The following BSN variants were observed in gnomAD, a reference collection of about 807,000 sequenced individuals.
BSN encodes bassoon presynaptic cytomatrix protein.
A neutral mutation model predicts 264.8 loss-of-function variants in BSN; 57 were observed. The ratio of observed to expected loss-of-function variants is 0.22; its 90% CI spans 0.17 to 0.27. BSN has a LOEUF of 0.27. Ranked by LOEUF, BSN falls within the 10% of genes least tolerant of loss-of-function variation. BSN has a pLI of 1.00. For missense variants in BSN, 4,615 were observed against 5,232.5 expected, an observed-to-expected ratio of 0.88 and a Z score of 3.64; for synonymous variants, 2,059 against 2,137.3, an observed-to-expected ratio of 0.96 and a Z score of 1.01.
chr3:49,594,083 C>T lies in BSN; in HGVS notation c.225-30892C>T, dbSNP rs138689563. ...CTGGGATTACAGGCGTGAGCCACCACGCCCGGCCGCTAGATACTAGTTTTT... is the reference window on the plus strand; with the variant it reads ...CTGGGATTACAGGCGTGAGCCACCATGCCCGGCCGCTAGATACTAGTTTTT... On this transcript the variant is annotated intron_variant, in intron 1 of 11. Transcript: ENST00000296452. 9.1e-4 allele frequency among the ~76,000 whole-genome samples: 139 copies of T among 152,282 alleles called. 1 individual carries two copies. The Middle Eastern group carries it at 0.017, about 19-fold the overall frequency.
At position 49,663,065 on chromosome 3, in the gene BSN, C is replaced by T; in HGVS notation, c.10907C>T (p.Pro3636Leu). Residue 3636 changes from proline (P) to leucine (L), a missense_variant, in exon 7 of 12, where the codon CCA (proline) becomes CTA (leucine). Transcript: ENST00000296452. Reference protein sequence around the residue: ...EGLWPHDEGGPGRHASAKEHR... With the variant: ...EGLWPHDEGGLGRHASAKEHR... Reference sequence around the variant, plus strand: ...CTGTGGCCTCATGATGAGGGTGGCCCAGGCCGCCATGCCTCAGCCAAGGAA... The same window carrying T: ...CTGTGGCCTCATGATGAGGGTGGCCTAGGCCGCCATGCCTCAGCCAAGGAA... 1.2e-6 allele frequency: 2 copies of T among 1,612,986 alleles called. No individual in the cohort carries two copies. The highest frequency in any genetic ancestry group is 1.7e-6 in the Non-Finnish European group (2 of 1,179,904).
At chr3:49,608,691 G>A (rs1443203823) in intron 1 of BSN, among the ~76,000 whole-genome samples, 1 of 152,124 alleles carries the variant, frequency 6.6e-6, no homozygotes, top group African/African-American at 2.4e-5. Context: ...AGCTGGGCAT[G>A]GTGGCAGGCG....
intron 1 of BSN, among the ~76,000 whole-genome samples, chr3:49,609,590 C>T (rs976748757): frequency 1.3e-5 from 2 of 152,068 alleles, no homozygotes; most frequent in Non-Finnish European, 2.9e-5. Flanking sequence ...TGTCCAGGGT[C>T]GGGTGGTAAC....
At position 49,669,255 on chromosome 3, in the gene BSN, G is replaced by A. The variant is rs549208562; in HGVS notation, c.*1770G>A. The A allele has an allele frequency of 2.9e-4, 45 of 152,730 alleles. No homozygotes were observed. Among genetic ancestry groups the A allele is most frequent in the African/African-American group, 1.0e-3 (42 of 41,550 alleles). The allele number at this position is 152,730 out of a possible 1,614,324, so 9.5% of individuals were successfully genotyped here. A position where few individuals can be genotyped will look rare whatever the true frequency, so the allele number is the denominator to read the frequency against. On this transcript the variant is annotated 3_prime_UTR_variant, in exon 12 of 12. Coordinates refer to ENST00000296452, the MANE Select transcript of BSN (RefSeq NM_003458.4). ...GTTGCCTGAGCGTGCCAGGCTGCAG[G>A]GCAGGCAGTAAAAGGCCCCCACATA...
At chr3:49,606,171 TTA>T (rs1471203454) in intron 1 of BSN, among the ~76,000 whole-genome samples, 3 of 22,898 alleles carry the variant, frequency 1.3e-4, no homozygotes, top group Non-Finnish European at 2.1e-4. Flanking sequence ...TATACATATA[TTA>T]TATATGTATA....
Position 49,652,221 on chromosome 3 carries a change from C to A in BSN, c.2665C>A (p.Pro889Thr). ...PRPRPEPSQE[P>T]AALPKRRLPH... is the part of the protein sequence containing the mutation. ...ACCCAGGCCTGAGCCTAGCCAAGAACCAGCAGCACTGCCCAAGAGGCGCCT... is the reference window on the plus strand; with the variant it reads ...ACCCAGGCCTGAGCCTAGCCAAGAAACAGCAGCACTGCCCAAGAGGCGCCT... The change falls in exon 5 of 12, where the codon CCA becomes ACA. Residue 889 changes from proline (P) to threonine (T), a missense_variant. Physicochemically the swap from Pro to Thr is conservative, Grantham distance 38. Around this residue, in one of 3 missense-constraint regions of BSN, gnomAD observed 1,197 missense variants for 1,348.0 expected, o/e 0.89. Transcript: ENST00000296452. 1 of 1,612,206 alleles carries A rather than the reference C, an allele frequency of 6.2e-7. No individual in the cohort carries two copies. Among genetic ancestry groups the A allele is most frequent in the Non-Finnish European group, 8.5e-7 (1 of 1,178,902 alleles).
At chr3:49,570,505 A>G (rs924764562) in intron 1 of BSN, among the ~76,000 whole-genome samples, 2 of 152,178 alleles carry the variant, frequency 1.3e-5, no homozygotes, top group Non-Finnish European at 2.9e-5. Context: ...GTGGAAACAG[A>G]GACTGAAGAG....
At chr3:49,666,033 T>TG (rs2052711065) in intron 11 of BSN, among the ~76,000 whole-genome samples, 2 of 152,258 alleles carry the variant, frequency 1.3e-5, no homozygotes, top group African/African-American at 4.8e-5. Flanking sequence ...TGCATCATCC[T>TG]GGGTGGGAGG....
Position 49,660,428 on chromosome 3 carries a change from C to T in BSN, c.8641-58C>T. ...CAGGCCTGGGTTCTGCCACCCCACACCCCATCAAGTCACCACACCTTGGGT... is the reference window on the plus strand; with the variant it reads ...CAGGCCTGGGTTCTGCCACCCCACATCCCATCAAGTCACCACACCTTGGGT... On this transcript the variant is annotated intron_variant, in intron 5 of 11. Coordinates refer to ENST00000296452, the MANE Select transcript of BSN (RefSeq NM_003458.4). The surrounding 1 kb of genome is among the most constrained non-coding windows in gnomAD (Gnocchi z 7.1). 3 of 1,512,044 alleles carry T rather than the reference C, an allele frequency of 2.0e-6. No homozygotes were observed. Among genetic ancestry groups the T allele is most frequent in the Middle Eastern group, 2.3e-4 (1 of 4,384 alleles). The allele number at this position is 1,512,044 out of a possible 1,614,324, so 93.7% of individuals were successfully genotyped here.
At chr3:49,589,745 G>A (rs529521323) in intron 1 of BSN, among the ~76,000 whole-genome samples, 1 of 151,028 alleles carries the variant, frequency 6.6e-6, no homozygotes, top group African/African-American at 2.4e-5. Flanking sequence ...GAGCTCAGGC[G>A]ATCCAACAGC....
chr3:49,664,472 C>T lies in BSN; in HGVS notation c.11658C>T (p.Gly3886=), dbSNP rs1370820471. ...RPGGTPGAPA[G]QPGADGESVF... ...GAGGAACCCCAGGGGCTCCCGCCGGCCAGCCAGGTGCCGATGGGGAGAGCG... is the reference window on the plus strand; with the variant it reads ...GAGGAACCCCAGGGGCTCCCGCCGGTCAGCCAGGTGCCGATGGGGAGAGCG... The change falls in exon 9 of 12, where the codon GGC becomes GGT. Residue 3886 remains glycine (G), a synonymous_variant. Transcript: ENST00000296452. 3 of 1,613,580 alleles carry T rather than the reference C, an allele frequency of 1.9e-6. No individual in the cohort carries two copies. Among genetic ancestry groups the T allele is most frequent in the Non-Finnish European group, 2.5e-6 (3 of 1,179,956 alleles).
chr3:49,641,283 A>G (rs965270573), intron 2 of BSN, among the ~76,000 whole-genome samples: 1 of 152,222 alleles, frequency 6.6e-6, no homozygotes, highest in African/African-American at 2.4e-5. Context: ...TATGGACATC[A>G]TTCTTAGCAT....
At position 49,606,168 on chromosome 3, in the gene BSN, A is replaced by G. The variant is rs1172308575; in HGVS notation, c.225-18807A>G. ...ATATATGTATATATTATATATACAT[A>G]TATTATATATGTATATATATTATAT... On this transcript the variant is annotated intron_variant, in intron 1 of 11. Transcript: ENST00000296452. Among the ~76,000 whole-genome samples, 5 of 33,632 alleles carry G rather than the reference A, an allele frequency of 1.5e-4. 1 individual carries two copies. Among genetic ancestry groups the G allele is most frequent in the African/African-American group, 5.4e-4 (5 of 9,200 alleles). The allele number at this position is 33,632 out of a possible 152,430, so 22.1% of individuals were successfully genotyped here. A position where few individuals can be genotyped will look rare whatever the true frequency, so the allele number is the denominator to read the frequency against.
intron 1 of BSN, among the ~76,000 whole-genome samples, chr3:49,568,895 C>G (rs374564452): frequency 8.9e-4 from 135 of 152,190 alleles, no homozygotes; most frequent in African/African-American, 3.2e-3. Context: ...AAGGCAGAAG[C>G]AATAATATTC....
Position 49,656,504 on chromosome 3 carries a change from T to A in BSN, c.6948T>A (p.Pro2316=). 5 of 1,587,156 alleles carry A rather than the reference T, an allele frequency of 3.2e-6. No individual in the cohort carries two copies. Among genetic ancestry groups the A allele is most frequent in the Non-Finnish European group, 4.3e-6 (5 of 1,165,382 alleles). The change falls in exon 5 of 12, where the codon CCT becomes CCA. Residue 2316 remains proline (P), a synonymous_variant. Coordinates refer to ENST00000296452, the MANE Select transcript of BSN (RefSeq NM_003458.4). Reference sequence around the variant, plus strand: ...AAGAGCCTCTTCCCACAACCACCCCTGCTGCCATCAAGGAGGCTGCAGGAG... The same window carrying A: ...AAGAGCCTCTTCCCACAACCACCCCAGCTGCCATCAAGGAGGCTGCAGGAG... The part of the protein sequence containing the change: ...AREEPLPTTT[P]AAIKEAAGAP...
At chr3:49,662,687 C>A in intron 6 of BSN, 125 bp downstream of exon 6, 1 of 1,376,800 alleles carries the variant, frequency 7.3e-7, no homozygotes, top group Non-Finnish European at 9.5e-7. Flanking sequence ...GTGGGCCCTG[C>A]TGCAGGCAGG....
chr3:49,638,132 C>T lies in BSN; in HGVS notation c.634-4136C>T, dbSNP rs1336802045. On this transcript the variant is annotated intron_variant, in intron 2 of 11. Coordinates refer to ENST00000296452, the MANE Select transcript of BSN (RefSeq NM_003458.4). This position sits in a 1 kb window ranked among gnomAD's most constrained non-coding sequence, Gnocchi z 4.3. ...TTGTCACACTGGTAAAAGGATAGTC[C>T]CTCTGATTCTGATGGAGAGCCAGCT... 6.6e-6 allele frequency among the ~76,000 whole-genome samples: 1 copy of T among 152,166 alleles called. No individual in the cohort carries two copies. Among genetic ancestry groups the T allele is most frequent in the Non-Finnish European group, 1.5e-5 (1 of 68,036 alleles).
chr3:49,607,525 TCACA>T (rs1232914631), intron 1 of BSN, among the ~76,000 whole-genome samples: 1 of 152,158 alleles, frequency 6.6e-6, no homozygotes, highest in Non-Finnish European at 1.5e-5. Context: ...TGTCACATGC[TCACA>T]CACACATGCA....
chr3:49,601,328 C>T (rs1430711313), intron 1 of BSN, among the ~76,000 whole-genome samples: 1 of 152,164 alleles, frequency 6.6e-6, no homozygotes, highest in African/African-American at 2.4e-5. Context: ...ACATGTGAGA[C>T]CTTCCCCTAT....
Sources: gnomAD v4.1 joint callset for allele counts (sites outside exome capture counted in the v4.1 genomes callset) on GRCh38, gnomAD v4.1.1 for gene constraint, gnomAD v4.1.1 regional missense constraint, Gnocchi (gnomAD v3.1) non-coding constraint, MANE v1.5 for transcripts, NCBI Gene and HGNC (gene_info 2026-07-23, HGNC 2026-07-21) for gene names.